EYS: variants seen among roughly 807,000 people sequenced by gnomAD.
EYS encodes EGF-like photoreceptor maintenance factor.
A neutral mutation model predicts 282.1 loss-of-function variants in EYS; 250 were observed. The observed-to-expected ratio is 0.89, with a 90% CI of 0.80 to 0.98. The LOEUF (loss-of-function observed/expected upper bound fraction) is 0.98, where lower values mean the gene tolerates loss of function less well. Among genes scored for constraint, EYS ranks in the 50% least tolerant of loss-of-function variants. EYS has a pLI of 0.00. For missense variants in EYS, 4,016 were observed against 3,709.0 expected, an observed-to-expected ratio of 1.08 and a Z score of -2.15; for synonymous variants, 1,355 against 1,282.9, an observed-to-expected ratio of 1.06 and a Z score of -1.20.
intron 19 of EYS, among the ~76,000 whole-genome samples, chr6:64,844,875 G>A (rs1414212671): frequency 6.6e-6 from 1 of 152,118 alleles, no homozygotes; most frequent in East Asian, 1.9e-4. Flanking sequence ...CAAAGTTTCA[G>A]CCTCATCCAC....
intron 12 of EYS, among the ~76,000 whole-genome samples, chr6:65,087,337 G>T (rs879550063): frequency 1.1e-4 from 17 of 151,916 alleles, no homozygotes; most frequent in Non-Finnish European, 2.9e-5. Flanking sequence ...TGACTATTTT[G>T]TTTAGGCCAT....
chr6:63,963,371 TA>T lies in EYS; in HGVS notation c.7055+21011del, dbSNP rs370035716. The stretch of plus-strand genomic sequence containing the variant: ...TTATAAAAGAAAATTAAAAAAGGAC[TA>T]AAAAAAGTGCATAAATACTGTATAC... On this transcript the variant is annotated intron_variant, in intron 35 of 42. Transcript: ENST00000503581. 2.4e-4 allele frequency among the ~76,000 whole-genome samples: 37 copies of T among 152,008 alleles called. No individual in the cohort carries two copies. The East Asian group carries it at 6.0e-3, about 25-fold the overall frequency.
chr6:64,207,004 G>C (rs578079618), intron 31 of EYS, among the ~76,000 whole-genome samples: 1 of 151,996 alleles, frequency 6.6e-6, no homozygotes, highest in Non-Finnish European at 1.5e-5. Flanking sequence ...GCCCCAGTGC[G>C]TGTTGTTCTC....
intron 14 of EYS, among the ~76,000 whole-genome samples, chr6:64,979,420 G>A (rs920665888): frequency 6.6e-6 from 1 of 151,716 alleles, no homozygotes. Context: ...CCTAAGTAGA[G>A]CTAACTGCCC....
chr6:64,088,319 A>G (rs753409300), intron 31 of EYS, among the ~76,000 whole-genome samples: 1 of 152,104 alleles, frequency 6.6e-6, no homozygotes, highest in Non-Finnish European at 1.5e-5. Context: ...TGTATTAAAC[A>G]TCTTACATAT....
intron 26 of EYS, among the ~76,000 whole-genome samples, chr6:64,542,749 G>T (rs1357224361): frequency 2.6e-5 from 4 of 152,014 alleles, no homozygotes; most frequent in African/African-American, 4.8e-5. Context: ...TAACAATTAG[G>T]ATAGATGAGC....
At chr6:64,131,151 G>A (rs1773965031) in intron 31 of EYS, among the ~76,000 whole-genome samples, 1 of 152,178 alleles carries the variant, frequency 6.6e-6, no homozygotes, top group African/African-American at 2.4e-5. Context: ...ACAGGCATGA[G>A]CCACTGGACC....
chr6:64,696,238 C>T (rs1770574395), intron 22 of EYS, among the ~76,000 whole-genome samples: 1 of 152,044 alleles, frequency 6.6e-6, no homozygotes, highest in Non-Finnish European at 1.5e-5. Flanking sequence ...AAAGCTTCAA[C>T]AGTAGAATAG....
At chr6:65,488,557 T>C (rs1230364355) in intron 5 of EYS, among the ~76,000 whole-genome samples, 1 of 152,156 alleles carries the variant, frequency 6.6e-6, no homozygotes, top group East Asian at 1.9e-4. Flanking sequence ...CTGTCCAAAG[T>C]AATTTATAGA....
intron 2 of EYS, among the ~76,000 whole-genome samples, chr6:65,627,416 C>A (rs1766744990): frequency 1.3e-5 from 2 of 152,274 alleles, no homozygotes; most frequent in Admixed American, 6.5e-5. Flanking sequence ...GCCTGGGCTC[C>A]CACTTTGGCG....
At chr6:64,186,985 G>C (rs1764964956) in intron 31 of EYS, among the ~76,000 whole-genome samples, 1 of 152,122 alleles carries the variant, frequency 6.6e-6, no homozygotes, top group South Asian at 2.1e-4. Flanking sequence ...TTCAGAGTAA[G>C]TTAGCAAATG....
chr6:64,023,170 T>C (rs1401426047), intron 33 of EYS, among the ~76,000 whole-genome samples: 3 of 152,252 alleles, frequency 2.0e-5, no homozygotes, highest in African/African-American at 7.2e-5. Context: ...TAATTCATGC[T>C]GTAGCAAGTA....
intron 26 of EYS, among the ~76,000 whole-genome samples, chr6:64,516,690 G>A (rs1263664514): frequency 6.6e-6 from 1 of 151,662 alleles, no homozygotes; most frequent in Non-Finnish European, 1.5e-5. Flanking sequence ...AGCACTGAGG[G>A]AAATAAACAT....
chr6:64,597,362 T>G (rs1203698402), intron 24 of EYS, among the ~76,000 whole-genome samples: 1 of 152,180 alleles, frequency 6.6e-6, no homozygotes, highest in Admixed American at 6.5e-5. Flanking sequence ...GTCCCACTAC[T>G]GGGTATACAG....
intron 33 of EYS, among the ~76,000 whole-genome samples, chr6:64,035,246 G>T (rs745642081): frequency 2.8e-4 from 43 of 152,162 alleles, no homozygotes; most frequent in Non-Finnish European, 5.3e-4. Flanking sequence ...CTAGGATTAT[G>T]GTTAATTTGT....
At chr6:64,956,330 T>G (rs912818534) in intron 14 of EYS, among the ~76,000 whole-genome samples, 2 of 152,166 alleles carry the variant, frequency 1.3e-5, no homozygotes, top group African/African-American at 4.8e-5. Context: ...GTCAAGAACA[T>G]GCACTGGAGA....
At chr6:65,002,534 A>G (rs1771498702) in intron 13 of EYS, among the ~76,000 whole-genome samples, 1 of 147,912 alleles carries the variant, frequency 6.8e-6, no homozygotes, top group Non-Finnish European at 1.5e-5. Context: ...CCCAATTTAC[A>G]AAATTCAATT....
chr6:64,293,041 TG>T (rs1401717798), intron 30 of EYS, among the ~76,000 whole-genome samples: 1 of 152,098 alleles, frequency 6.6e-6, no homozygotes, highest in Non-Finnish European at 1.5e-5. Flanking sequence ...GATATCAATA[TG>T]TCACTTTACT....
At chr6:63,848,658 C>G (rs1474477925) in intron 36 of EYS, among the ~76,000 whole-genome samples, 3 of 152,120 alleles carry the variant, frequency 2.0e-5, no homozygotes, top group Non-Finnish European at 4.4e-5. Context: ...GGCCCAGATA[C>G]TATGCTTTTC....
Sources: gnomAD v4.1 joint callset for allele counts (sites outside exome capture counted in the v4.1 genomes callset) on GRCh38, gnomAD v4.1.1 for gene constraint, MANE v1.5 for transcripts, NCBI Gene and HGNC (gene_info 2026-07-23, HGNC 2026-07-21) for gene names.